KDM4C: variants seen among roughly 807,000 people sequenced by gnomAD.
The protein encoded by KDM4C is lysine demethylase 4C.
In KDM4C, 81 loss-of-function variants were observed where a neutral mutation model predicts 129.3. The ratio of observed to expected loss-of-function variants is 0.63; its 90% confidence interval spans 0.52 to 0.75. KDM4C has a LOEUF of 0.75. KDM4C is among the 30% of genes least tolerant of loss of function. KDM4C has a pLI of 0.00. For synonymous variants in KDM4C, 573 were observed against 456.1 expected, an observed-to-expected ratio of 1.26 and a Z score of -3.26; for missense variants, 1,457 against 1,304.0, an observed-to-expected ratio of 1.12 and a Z score of -1.81.
intron 1 of KDM4C, among the ~76,000 whole-genome samples, chr9:6,731,612 A>G (rs1817339046): frequency 1.3e-5 from 2 of 152,098 alleles, no homozygotes; most frequent in South Asian, 2.1e-4. Flanking sequence ...GATTACAGGC[A>G]TGAGCCACTG....
chr9:7,020,845 A>C (rs1280185627), intron 15 of KDM4C, among the ~76,000 whole-genome samples: 1 of 152,018 alleles, frequency 6.6e-6, no homozygotes, highest in Non-Finnish European at 1.5e-5. Context: ...TTACTTTAAA[A>C]TGTACAATTA....
chr9:7,008,320 T>A (rs1822050381), intron 12 of KDM4C, among the ~76,000 whole-genome samples: 1 of 152,104 alleles, frequency 6.6e-6, no homozygotes, highest in Non-Finnish European at 1.5e-5. Context: ...TCTCTCAGCC[T>A]CAAGACTAGC....
chr9:6,957,909 A>G (rs905109030), intron 8 of KDM4C, among the ~76,000 whole-genome samples: 3 of 152,130 alleles, frequency 2.0e-5, no homozygotes, highest in African/African-American at 7.2e-5. Context: ...TTAATTGATG[A>G]TGGTAATAAT....
At chr9:7,015,997 C>G in intron 15 of KDM4C, 68 bp downstream of exon 15, 2 of 1,163,768 alleles carry the variant, frequency 1.7e-6, no homozygotes, top group East Asian at 2.4e-5. Context: ...ACATTTAAGT[C>G]TAGGGAAAAG....
chr9:7,147,912 T>C (rs1842358336), intron 19 of KDM4C, among the ~76,000 whole-genome samples: 1 of 152,194 alleles, frequency 6.6e-6, no homozygotes, highest in Non-Finnish European at 1.5e-5. Flanking sequence ...TCATGCCCGC[T>C]AGGCTCGTTC....
intron 5 of KDM4C, among the ~76,000 whole-genome samples, chr9:6,870,669 G>A (rs1842705691): frequency 6.6e-6 from 1 of 152,014 alleles, no homozygotes; most frequent in South Asian, 2.1e-4. Flanking sequence ...GCTTATGCGA[G>A]GAATGGGGCC....
At chr9:6,971,757 A>T (rs1832023685) in intron 8 of KDM4C, among the ~76,000 whole-genome samples, 1 of 152,174 alleles carries the variant, frequency 6.6e-6, no homozygotes, top group Admixed American at 6.5e-5. Context: ...AGGTTATCTA[A>T]TCAAGGGTTC....
At chr9:7,042,694 G>T (rs2132487905) in intron 15 of KDM4C, among the ~76,000 whole-genome samples, 1 of 152,134 alleles carries the variant, frequency 6.6e-6, no homozygotes, top group Middle Eastern at 3.4e-3. Context: ...CACAGGGCAG[G>T]CATTGCTTCT....
intron 4 of KDM4C, among the ~76,000 whole-genome samples, chr9:6,827,055 C>A (rs559270828): frequency 6.6e-6 from 1 of 152,108 alleles, no homozygotes; most frequent in African/African-American, 2.4e-5. Flanking sequence ...GTGGCCAGAT[C>A]GCTGCTAACC....
intron 19 of KDM4C, among the ~76,000 whole-genome samples, chr9:7,151,775 C>T (rs993664154): frequency 1.3e-5 from 2 of 152,164 alleles, no homozygotes; most frequent in Non-Finnish European, 2.9e-5. Context: ...TGGCTTGAAT[C>T]GATTAACCCA....
intron 1 of KDM4C, among the ~76,000 whole-genome samples, chr9:6,760,406 A>G (rs933682078): frequency 6.7e-6 from 1 of 149,798 alleles, no homozygotes; most frequent in African/African-American, 2.5e-5. Context: ...ATATTTGTGA[A>G]CTAGTTTTTG....
rs951510011 is a variant in KDM4C, at chr9:6,951,004, TATTC to T, written c.922-29916_922-29913del. On this transcript the variant is annotated intron_variant, in intron 8 of 21. Transcript: ENST00000381309. ...CCATCTCTGAAGGGAGGCATTCATT[TATTC>T]ATTCTTTAACATTTTTAAATTTTAT... Among the ~76,000 whole-genome samples, 7 of 152,288 alleles carry T rather than the reference TATTC, an allele frequency of 4.6e-5. No individual in the cohort carries two copies. In the East Asian group the frequency reaches 9.6e-4, roughly 21 times the overall value.
intron 15 of KDM4C, among the ~76,000 whole-genome samples, chr9:7,031,402 C>G (rs539771607): frequency 2.0e-5 from 3 of 152,242 alleles, no homozygotes; most frequent in African/African-American, 7.2e-5. Context: ...CTCTGGTGGT[C>G]TGCCTGCCTT....
At chr9:7,143,266 A>G (rs1425028920) in intron 19 of KDM4C, among the ~76,000 whole-genome samples, 1 of 152,236 alleles carries the variant, frequency 6.6e-6, no homozygotes, top group Non-Finnish European at 1.5e-5. Flanking sequence ...TGAGGATGCT[A>G]ACTAACCTTG....
intron 5 of KDM4C, 80 bp downstream of exon 5, chr9:6,849,780 CTTTGA>C (rs1352289327): frequency 8.5e-7 from 1 of 1,175,836 alleles, no homozygotes; most frequent in African/African-American, 1.5e-5. Flanking sequence ...GGATTTTGTT[CTTTGA>C]TTTGGTGGAT....
intron 1 of KDM4C, among the ~76,000 whole-genome samples, chr9:6,737,075 G>C (rs866617419): frequency 1.6e-5 from 2 of 125,222 alleles, no homozygotes; most frequent in African/African-American, 5.9e-5. Flanking sequence ...AAAAAAAAAA[G>C]TTTTTCAGTC....
intron 17 of KDM4C, among the ~76,000 whole-genome samples, chr9:7,066,471 A>T (rs1832440382): frequency 6.6e-6 from 1 of 152,246 alleles, no homozygotes. Flanking sequence ...ATGTCAGGAT[A>T]TTTACATAGT....
At chr9:6,793,766 C>A (rs1827209782) in intron 2 of KDM4C, among the ~76,000 whole-genome samples, 1 of 152,120 alleles carries the variant, frequency 6.6e-6, no homozygotes, top group Admixed American at 6.5e-5. Flanking sequence ...TGGTCTTGAA[C>A]TCCTGACCTC....
At chr9:7,140,407 G>A (rs12350979) in intron 19 of KDM4C, among the ~76,000 whole-genome samples, 3,172 of 152,248 alleles carry the variant, frequency 0.021, 129 homozygotes, top group African/African-American at 0.072. Flanking sequence ...TGTAACCAGT[G>A]TCTAAGAGTA....
Sources: allele counts gnomAD v4.1 joint callset (sites outside exome capture counted in the v4.1 genomes callset), GRCh38; gene constraint gnomAD v4.1.1; transcripts MANE v1.5; gene names NCBI Gene and HGNC (gene_info 2026-07-23, HGNC 2026-07-21).